Variants in ARSB observed in about 807,000 individuals in gnomAD.
The protein encoded by ARSB is arylsulfatase B.
A neutral mutation model predicts 50.9 loss-of-function variants in ARSB; 41 were observed. The observed-to-expected ratio is 0.81, with a 90% CI of 0.63 to 1.04. ARSB has a LOEUF of 1.04. Ranked by LOEUF, ARSB falls within the 50% of genes least tolerant of loss-of-function variation. The probability of loss-of-function intolerance (pLI) is 0.00; values close to 1 mark genes in which losing one functional copy is unlikely to be tolerated. For synonymous variants in ARSB, 269 were observed against 284.8 expected, an observed-to-expected ratio of 0.94 and a Z score of 0.56; for missense variants, 672 against 693.3, an observed-to-expected ratio of 0.97 and a Z score of 0.35.
chr5:78,855,341 C>T (rs1436846407), intron 5 of ARSB, among the ~76,000 whole-genome samples: 1 of 152,220 alleles, frequency 6.6e-6, no homozygotes, highest in African/African-American at 2.4e-5. Context: ...CATGATTTCT[C>T]TGAGCAGTCA....
At chr5:78,802,944 A>G (rs1331849118) in intron 6 of ARSB, among the ~76,000 whole-genome samples, 1 of 152,246 alleles carries the variant, frequency 6.6e-6, no homozygotes, top group Non-Finnish European at 1.5e-5. Flanking sequence ...TGAAGGTCTC[A>G]TAATGGACTT....
intron 4 of ARSB, among the ~76,000 whole-genome samples, chr5:78,922,277 G>A (rs1749854365): frequency 6.6e-6 from 1 of 151,988 alleles, no homozygotes; most frequent in Non-Finnish European, 1.5e-5. Flanking sequence ...TCGCAGCCCT[G>A]GGAAAGACTA....
chr5:78,791,973 G>T (rs1188669489), intron 6 of ARSB, among the ~76,000 whole-genome samples: 1 of 151,900 alleles, frequency 6.6e-6, no homozygotes, highest in East Asian at 1.9e-4. Context: ...ACTGGAAGAA[G>T]AAGAATTGTC....
intron 1 of ARSB, among the ~76,000 whole-genome samples, chr5:78,977,439 C>A (rs994346929): frequency 1.3e-5 from 2 of 152,196 alleles, no homozygotes; most frequent in African/African-American, 4.8e-5. Context: ...CAGACGTGAG[C>A]CACCACGCCT....
chr5:78,827,410 C>T (rs1271764575), intron 6 of ARSB, among the ~76,000 whole-genome samples: 1 of 152,038 alleles, frequency 6.6e-6, no homozygotes, highest in African/African-American at 2.4e-5. Flanking sequence ...GGGGTTTTGC[C>T]ATGTTGGCCA....
chr5:78,981,809 C>T (rs1213397095), intron 1 of ARSB, among the ~76,000 whole-genome samples: 1 of 152,046 alleles, frequency 6.6e-6, no homozygotes, highest in Non-Finnish European at 1.5e-5. Flanking sequence ...TCAGTCTAGG[C>T]TTGTTTATCA....
intron 1 of ARSB, among the ~76,000 whole-genome samples, chr5:78,983,408 G>T (rs1032249525): frequency 6.6e-6 from 1 of 152,160 alleles, no homozygotes; most frequent in African/African-American, 2.4e-5. Context: ...TGTTGGAAGG[G>T]AGGAAGTTGG....
chr5:78,915,522 T>C (rs1749510003), intron 4 of ARSB, among the ~76,000 whole-genome samples: 1 of 152,148 alleles, frequency 6.6e-6, no homozygotes, highest in Non-Finnish European at 1.5e-5. Context: ...CTACTAAATA[T>C]GGATACTACA....
In ARSB at chr5:78,894,583, C is replaced by T. The variant is rs141201545; in HGVS notation, c.899-8756G>A. Among the ~76,000 whole-genome samples the T allele has an allele frequency of 3.2e-4, 49 of 152,306 alleles. 1 individual carries two copies. The highest frequency in any genetic ancestry group is 1.1e-3 in the African/African-American group (47 of 41,570). On this transcript the variant is annotated intron_variant, in intron 4 of 7. Coordinates refer to ENST00000264914, the MANE Select transcript of ARSB (RefSeq NM_000046.5). ...AATGCAGAGAGAGGCAAACAAAAGT[C>T]ACGAGAACACTGATGAGCACAATCC...
rs371954248 is a variant in ARSB, at chr5:78,975,583, G to C, written c.313-6391C>G. Among the ~76,000 whole-genome samples, 15 of 152,254 alleles carry C rather than the reference G, an allele frequency of 9.9e-5. No individual in the cohort carries two copies. The East Asian group carries it at 1.5e-3, about 16-fold the overall frequency. ...GTGGCCCCCTTGGTACCCAAGGTAA[G>C]GACATTCCCAGTTGAGGACCAGAGT... On this transcript the variant is annotated intron_variant, in intron 1 of 7. Coordinates refer to ENST00000264914, the MANE Select transcript of ARSB (RefSeq NM_000046.5).
chr5:78,933,782 C>T (rs1248381823), intron 4 of ARSB, among the ~76,000 whole-genome samples: 2 of 152,090 alleles, frequency 1.3e-5, no homozygotes, highest in African/African-American at 2.4e-5. Flanking sequence ...TACATGGCAA[C>T]GGGGAGTTAA....
intron 6 of ARSB, among the ~76,000 whole-genome samples, chr5:78,821,979 T>G (rs916005253): frequency 2.6e-5 from 4 of 152,212 alleles, no homozygotes; most frequent in African/African-American, 9.7e-5. Context: ...GTGTATTTGT[T>G]TTTCATTAAT....
intron 4 of ARSB, among the ~76,000 whole-genome samples, chr5:78,901,654 A>C (rs1041550104): frequency 6.6e-6 from 1 of 152,238 alleles, no homozygotes; most frequent in Non-Finnish European, 1.5e-5. Context: ...AAAATTAAAG[A>C]TGAATCATAT....
At chr5:78,963,341 T>G (rs1752077372) in intron 3 of ARSB, among the ~76,000 whole-genome samples, 1 of 152,204 alleles carries the variant, frequency 6.6e-6, no homozygotes, top group Non-Finnish European at 1.5e-5. Flanking sequence ...TCTTTATAAA[T>G]TACCCAGCCT....
intron 6 of ARSB, among the ~76,000 whole-genome samples, chr5:78,804,020 C>A (rs1743481882): frequency 6.6e-6 from 1 of 152,182 alleles, no homozygotes; most frequent in Non-Finnish European, 1.5e-5. Flanking sequence ...CCCTGGCAGT[C>A]CTGCTGAGTG....
intron 3 of ARSB, among the ~76,000 whole-genome samples, chr5:78,956,637 C>A (rs546970742): frequency 6.6e-6 from 1 of 152,206 alleles, no homozygotes; most frequent in African/African-American, 2.4e-5. Flanking sequence ...ATAATAATAT[C>A]AGTAATGGCA....
chr5:78,876,889 G>A (rs1340713794), intron 5 of ARSB, among the ~76,000 whole-genome samples: 3 of 152,130 alleles, frequency 2.0e-5, no homozygotes, highest in African/African-American at 4.8e-5. Context: ...ATAGGAGTGC[G>A]AATCCTACTG....
At chr5:78,865,112 G>T (rs995957586) in intron 5 of ARSB, among the ~76,000 whole-genome samples, 1 of 152,066 alleles carries the variant, frequency 6.6e-6, no homozygotes, top group African/African-American at 2.4e-5. Flanking sequence ...GCTCCACTAG[G>T]ACTCCGTATA....
At position 78,964,881 on chromosome 5, in the gene ARSB, C is replaced by T. The variant is rs541350387; in HGVS notation, c.500-275G>A. Reference sequence around the variant, plus strand: ...GTTTTTTTTTTTATCAGAGTTGAAACTCAGTAAGGGTGATAAAATCTCAAT... The same window carrying T: ...GTTTTTTTTTTTATCAGAGTTGAAATTCAGTAAGGGTGATAAAATCTCAAT... On this transcript the variant is annotated intron_variant, in intron 2 of 7. Coordinates refer to ENST00000264914, the MANE Select transcript of ARSB (RefSeq NM_000046.5). 1.7e-3 allele frequency among the ~76,000 whole-genome samples: 257 copies of T among 151,928 alleles called. 1 individual carries two copies. The highest frequency in any genetic ancestry group is 5.8e-3 in the African/African-American group (240 of 41,406).
Sources: allele counts gnomAD v4.1 joint callset (sites outside exome capture counted in the v4.1 genomes callset), GRCh38; gene constraint gnomAD v4.1.1; transcripts MANE v1.5; gene names NCBI Gene and HGNC (gene_info 2026-07-23, HGNC 2026-07-21).